Variants in SPAG16 observed in about 807,000 individuals in gnomAD.
SPAG16 encodes the protein sperm associated antigen 16, also known as sperm-associated antigen 16 protein.
A neutral mutation model predicts 80.4 loss-of-function variants in SPAG16; 86 were observed. The observed-to-expected ratio is 1.07, with a 90% CI of 0.90 to 1.28. The LOEUF (loss-of-function observed/expected upper bound fraction) is 1.28. Among genes scored for constraint, SPAG16 ranks in the 50% most tolerant of loss-of-function variants. The pLI, the probability that SPAG16 is intolerant of heterozygous loss-of-function variation, is 0.00. For synonymous variants in SPAG16, 294 were observed against 265.9 expected (o/e 1.11, Z -1.03); for missense variants, 870 against 765.3 (o/e 1.14, Z -1.61).
intron 10 of SPAG16, among the ~76,000 whole-genome samples, chr2:213,827,884 T>C (rs1015228910): frequency 5.3e-5 from 8 of 152,126 alleles, no homozygotes; most frequent in Non-Finnish European, 8.8e-5. Context: ...GCCAGAGGTA[T>C]TGGAGCTCCA....
intron 3 of SPAG16, among the ~76,000 whole-genome samples, chr2:213,302,925 A>G (rs1328386713): frequency 1.3e-5 from 2 of 152,068 alleles, no homozygotes; most frequent in Admixed American, 1.3e-4. Context: ...TAGAAATGAG[A>G]ATAGATACAC....
chr2:213,546,076 A>G (rs575924507), intron 10 of SPAG16, among the ~76,000 whole-genome samples: 1 of 152,218 alleles, frequency 6.6e-6, no homozygotes, highest in East Asian at 1.9e-4. Context: ...TAAAAATAAT[A>G]TATCTTGCAA....
intron 7 of SPAG16, among the ~76,000 whole-genome samples, chr2:213,360,254 A>G (rs780414874): frequency 4.6e-5 from 7 of 152,230 alleles, no homozygotes; most frequent in South Asian, 2.1e-4. Flanking sequence ...TCCAAATTCT[A>G]CATTGTTCCT....
chr2:213,753,972 G>T (rs563130862), intron 10 of SPAG16, among the ~76,000 whole-genome samples: 9 of 152,220 alleles, frequency 5.9e-5, no homozygotes, highest in Non-Finnish European at 1.3e-4. Context: ...CCGTGACATA[G>T]GTTAGAAGCA....
At chr2:214,222,779 T>G (rs1206678420) in intron 15 of SPAG16, among the ~76,000 whole-genome samples, 1 of 152,200 alleles carries the variant, frequency 6.6e-6, no homozygotes, top group Non-Finnish European at 1.5e-5. Context: ...TCTATCCCAC[T>G]GCACTTTAAA....
At chr2:213,525,410 T>A (rs928614248) in intron 10 of SPAG16, among the ~76,000 whole-genome samples, 5 of 146,814 alleles carry the variant, frequency 3.4e-5, no homozygotes, top group Admixed American at 6.9e-5. Flanking sequence ...TGCCTCAGCC[T>A]CCCAAGTAGC....
At chr2:214,399,172 C>T (rs773609851) in intron 15 of SPAG16, among the ~76,000 whole-genome samples, 11 of 152,100 alleles carry the variant, frequency 7.2e-5, no homozygotes, top group Non-Finnish European at 1.6e-4. Flanking sequence ...TTTAATCATC[C>T]GATTATACTA....
intron 15 of SPAG16, among the ~76,000 whole-genome samples, chr2:214,332,391 C>G (rs2126014024): frequency 6.6e-6 from 1 of 152,336 alleles, no homozygotes; most frequent in East Asian, 1.9e-4. Flanking sequence ...AGCTCTGTTC[C>G]TGGCACCACA....
intron 10 of SPAG16, among the ~76,000 whole-genome samples, chr2:213,620,324 ACT>A (rs1304036228): frequency 1.8e-5 from 2 of 113,632 alleles, no homozygotes; most frequent in Non-Finnish European, 3.3e-5. Context: ...ACGGAGTCTC[ACT>A]CTGTCACCCA....
intron 13 of SPAG16, among the ~76,000 whole-genome samples, chr2:214,105,938 G>A (rs1409921056): frequency 6.6e-6 from 1 of 152,058 alleles, no homozygotes. Context: ...CAGCACAAAT[G>A]TGGTCCGTCA....
intron 13 of SPAG16, among the ~76,000 whole-genome samples, chr2:214,073,246 C>CT (rs1470006389): frequency 5.1e-5 from 6 of 118,340 alleles, no homozygotes; most frequent in South Asian, 2.8e-4. Context: ...TTTTTTTTTT[C>CT]TTTTTTTTTG....
At chr2:213,326,505 T>A (rs1231055972) in intron 5 of SPAG16, among the ~76,000 whole-genome samples, 1 of 152,048 alleles carries the variant, frequency 6.6e-6, no homozygotes, top group Non-Finnish European at 1.5e-5. Flanking sequence ...TACCCCTTTC[T>A]TTTTTGGTTA....
At chr2:213,807,827 C>A (rs190084535) in intron 10 of SPAG16, among the ~76,000 whole-genome samples, 1 of 152,276 alleles carries the variant, frequency 6.6e-6, no homozygotes, top group Admixed American at 6.5e-5. Context: ...TGCATTAATT[C>A]ATAAAGTTCT....
At chr2:213,737,419 A>G (rs2067329894) in intron 10 of SPAG16, among the ~76,000 whole-genome samples, 1 of 151,592 alleles carries the variant, frequency 6.6e-6, no homozygotes, top group Non-Finnish European at 1.5e-5. Context: ...GACATTCTCT[A>G]TGCTGTTATA....
At chr2:213,583,359 C>G (rs771671710) in intron 10 of SPAG16, among the ~76,000 whole-genome samples, 2 of 152,132 alleles carry the variant, frequency 1.3e-5, no homozygotes, top group Non-Finnish European at 1.5e-5. Context: ...AATTTTTTGA[C>G]ATTGGTTGGC....
At chr2:214,291,463 G>A (rs567067132) in intron 15 of SPAG16, among the ~76,000 whole-genome samples, 49 of 150,540 alleles carry the variant, frequency 3.3e-4, no homozygotes, top group Non-Finnish European at 5.2e-4. Flanking sequence ...CCGCCACTAC[G>A]CCCAGCTAAT....
intron 9 of SPAG16, among the ~76,000 whole-genome samples, chr2:213,461,938 T>A (rs1051876253): frequency 2.6e-5 from 4 of 152,074 alleles, no homozygotes; most frequent in African/African-American, 7.2e-5. Flanking sequence ...GTATGTGTAG[T>A]ATTCTGCTTA....
intron 15 of SPAG16, among the ~76,000 whole-genome samples, chr2:214,304,953 C>G (rs530557566): frequency 7.2e-5 from 11 of 152,332 alleles, no homozygotes; most frequent in African/African-American, 2.2e-4. Context: ...AATCACCACA[C>G]TGTCTTCCAC....
At chr2:213,817,189 A>G (rs1218662692) in intron 10 of SPAG16, among the ~76,000 whole-genome samples, 1 of 148,212 alleles carries the variant, frequency 6.7e-6, no homozygotes, top group Non-Finnish European at 1.5e-5. Context: ...TTGATATTTA[A>G]CTTACTACTT....
Sources: allele counts gnomAD v4.1 joint callset (sites outside exome capture counted in the v4.1 genomes callset), GRCh38; gene constraint gnomAD v4.1.1; transcripts MANE v1.5; gene names NCBI Gene and HGNC (gene_info 2026-07-23, HGNC 2026-07-21).